Variants in DGKI observed in about 807,000 individuals in gnomAD.
DGKI encodes the protein DAG kinase iota.
In DGKI, 55 loss-of-function variants were observed where a neutral mutation model predicts 147.5. That is an observed-to-expected ratio of 0.37 (90% CI 0.30 to 0.47). DGKI has a LOEUF of 0.47. Among genes scored for constraint, DGKI ranks in the 20% least tolerant of loss-of-function variants. The probability of loss-of-function intolerance (pLI) is 1.00; values close to 1 mark genes in which losing one functional copy is unlikely to be tolerated. For synonymous variants in DGKI, 469 were observed against 477.1 expected (o/e 0.98, Z 0.22); for missense variants, 1,007 against 1,323.8 (o/e 0.76, Z 3.71).
chr7:137,402,319 G>C (rs1210577229), intron 30 of DGKI, among the ~76,000 whole-genome samples: 1 of 152,168 alleles, frequency 6.6e-6, no homozygotes. Flanking sequence ...GTGCTATATG[G>C]GAAATGGTCT....
chr7:137,829,149 T>C (rs1358935975), intron 1 of DGKI, among the ~76,000 whole-genome samples: 1 of 152,238 alleles, frequency 6.6e-6, no homozygotes, highest in African/African-American at 2.4e-5. Flanking sequence ...ATGCTCAATA[T>C]GTCTGGCAAA....
At chr7:137,778,532 G>A (rs1395941057) in intron 1 of DGKI, among the ~76,000 whole-genome samples, 1 of 151,456 alleles carries the variant, frequency 6.6e-6, no homozygotes, top group African/African-American at 2.4e-5. Flanking sequence ...TCTGTCTTCT[G>A]TTAATAGCAA....
intron 27 of DGKI, among the ~76,000 whole-genome samples, chr7:137,455,309 A>T (rs1014907361): frequency 1.3e-5 from 2 of 152,084 alleles, no homozygotes; most frequent in Non-Finnish European, 2.9e-5. Context: ...TCAGTTATAG[A>T]TCAGTTCGAG....
intron 1 of DGKI, among the ~76,000 whole-genome samples, chr7:137,767,018 C>G (rs958435053): frequency 6.6e-6 from 1 of 152,080 alleles, no homozygotes; most frequent in Non-Finnish European, 1.5e-5. Flanking sequence ...CACTACCAGA[C>G]GAGCCGGGGC....
At chr7:137,638,269 A>C in intron 6 of DGKI, among the ~76,000 whole-genome samples, 2 of 147,848 alleles carry the variant, frequency 1.4e-5, no homozygotes, top group Non-Finnish European at 1.5e-5. Context: ...CTCACCTTTC[A>C]CCTCTTCGTC....
rs185358844 is a variant in DGKI, at chr7:137,710,175, G to C, written c.402-20173C>G. 3.1e-3 allele frequency among the ~76,000 whole-genome samples: 466 copies of C among 152,130 alleles called. 2 individuals are homozygous for C. The highest frequency in any genetic ancestry group is 5.0e-3 in the Non-Finnish European group (340 of 67,938). On this transcript the variant is annotated intron_variant, in intron 1 of 32. Coordinates refer to ENST00000614521, the MANE Select transcript of DGKI (RefSeq NM_001321708.2). ...AAAGGAAAGCTGTGTTCATACCATG[G>C]AAGACTCAATATTTTGAAGATGTCA...
At chr7:137,599,046 TC>T (rs1441037004) in intron 11 of DGKI, among the ~76,000 whole-genome samples, 1 of 152,202 alleles carries the variant, frequency 6.6e-6, no homozygotes, top group Non-Finnish European at 1.5e-5. Context: ...AATCACCTTT[TC>T]CTCTGATATT....
At chr7:137,573,676 A>T (rs1420191917) in intron 17 of DGKI, among the ~76,000 whole-genome samples, 2 of 152,186 alleles carry the variant, frequency 1.3e-5, no homozygotes, top group Non-Finnish European at 2.9e-5. Flanking sequence ...AAGTGCTGGG[A>T]TTATAGGCGT....
intron 1 of DGKI, among the ~76,000 whole-genome samples, chr7:137,731,972 A>G (rs1794898847): frequency 6.6e-6 from 1 of 152,106 alleles, no homozygotes; most frequent in East Asian, 1.9e-4. Context: ...TCTTTACTTC[A>G]GTACAACACT....
chr7:137,399,534 G>A (rs977342728), intron 30 of DGKI, among the ~76,000 whole-genome samples: 3 of 152,158 alleles, frequency 2.0e-5, no homozygotes, highest in African/African-American at 7.2e-5. Flanking sequence ...TCTTGGCCAA[G>A]TCTAATTAAT....
At chr7:137,660,317 G>A (rs965705140) in intron 3 of DGKI, among the ~76,000 whole-genome samples, 2 of 152,144 alleles carry the variant, frequency 1.3e-5, no homozygotes, top group African/African-American at 4.8e-5. Context: ...ATAAAAACAT[G>A]ACCAACATTT....
At chr7:137,394,707 G>A (rs1811484921) in intron 32 of DGKI, among the ~76,000 whole-genome samples, 1 of 152,194 alleles carries the variant, frequency 6.6e-6, no homozygotes, top group East Asian at 1.9e-4. Flanking sequence ...TCCTAAGAAA[G>A]TGGACACTTT....
intron 10 of DGKI, among the ~76,000 whole-genome samples, chr7:137,601,269 T>A (rs969255852): frequency 2.0e-5 from 3 of 146,864 alleles, no homozygotes; most frequent in Non-Finnish European, 4.5e-5. Flanking sequence ...AGACTCTGTC[T>A]CAAAAAAAAA....
intron 1 of DGKI, among the ~76,000 whole-genome samples, chr7:137,829,215 C>T (rs147634844): frequency 2.0e-5 from 3 of 152,350 alleles, no homozygotes; most frequent in African/African-American, 7.2e-5. Flanking sequence ...TGTCTTTAAC[C>T]TTATCCTCAG....
At chr7:137,666,752 T>G (rs1822655915) in intron 3 of DGKI, among the ~76,000 whole-genome samples, 3 of 152,102 alleles carry the variant, frequency 2.0e-5, no homozygotes, top group Admixed American at 6.5e-5. Context: ...TTCTGCCTCT[T>G]CCCTCATGCT....
intron 1 of DGKI, among the ~76,000 whole-genome samples, chr7:137,692,670 T>C (rs552338081): frequency 6.6e-6 from 1 of 152,312 alleles, no homozygotes; most frequent in South Asian, 2.1e-4. Flanking sequence ...CACGTGTGTC[T>C]ATGAAAGATA....
chr7:137,551,599 T>G (rs1411356800), intron 20 of DGKI, among the ~76,000 whole-genome samples: 1 of 152,178 alleles, frequency 6.6e-6, no homozygotes. Flanking sequence ...AAAATTATGT[T>G]CATTTTCCGT....
intron 1 of DGKI, among the ~76,000 whole-genome samples, chr7:137,785,275 T>C (rs1238711782): frequency 2.6e-5 from 4 of 152,060 alleles, no homozygotes; most frequent in East Asian, 3.9e-4. Context: ...ATAAGCTCAA[T>C]TAGAAACAAA....
rs1284812852 is a variant in DGKI, at chr7:137,846,661, C to A, written c.202G>T (p.Gly68Cys). The A allele has an allele frequency of 6.5e-6, 7 of 1,069,540 alleles. No homozygotes were observed. The highest frequency in any genetic ancestry group is 7.9e-6 in the Non-Finnish European group (7 of 883,128). The allele number at this position is 1,069,540 out of a possible 1,614,324, so 66.3% of individuals were successfully genotyped here. A position where few individuals can be genotyped will look rare whatever the true frequency, so the allele number is the denominator to read the frequency against. ...SAGEEKGATGGSSSSGSGAGS... is the reference protein window; with the variant it reads ...SAGEEKGATGCSSSSGSGAGS... ...GCGCCGCTTCCGCTGCTGCTGCTGC[C>A]GCCCGTCGCCCCTTTCTCCTCTCCC... is the stretch of plus-strand genomic sequence containing the variant. The change falls in exon 1 of 33, where the codon GGC becomes TGC. Residue 68 changes from glycine (G) to cysteine (C), a missense_variant. Transcript: ENST00000614521. The surrounding 1 kb of genome is among the most constrained non-coding windows in gnomAD (Gnocchi z 4.0).
Sources: gnomAD v4.1 joint callset for allele counts (sites outside exome capture counted in the v4.1 genomes callset) on GRCh38, gnomAD v4.1.1 for gene constraint, Gnocchi (gnomAD v3.1) non-coding constraint, MANE v1.5 for transcripts, NCBI Gene and HGNC (gene_info 2026-07-23, HGNC 2026-07-21) for gene names.